Variants in CSMD1 observed in about 807,000 individuals in gnomAD.
CSMD1 encodes the protein CUB and Sushi multiple domains 1.
Under a neutral mutation model 417.5 loss-of-function variants are expected in CSMD1, and 213 were observed. The observed-to-expected ratio is 0.51, with a 90% confidence interval of 0.46 to 0.57. The LOEUF is 0.57. Among genes scored for constraint, CSMD1 ranks in the 20% least tolerant of loss-of-function variants. The pLI is 0.00. For synonymous variants in CSMD1, 2,862 were observed against 1,736.8 expected (o/e 1.65, Z -16.11); for missense variants, 6,923 against 4,529.7 (o/e 1.53, Z -15.17).
intron 50 of CSMD1, among the ~76,000 whole-genome samples, chr8:3,043,071 A>G (rs7459987): frequency 0.041 from 5,772 of 142,356 alleles, 626 homozygotes; most frequent in African/African-American, 0.16. Flanking sequence ...TAGTACTATA[A>G]TGCATATAGT....
In CSMD1 at chr8:2,999,250, G is replaced by T. The variant is rs1419393944; in HGVS notation, c.8203+708C>A. Among the ~76,000 whole-genome samples, 4 of 150,392 alleles carry T rather than the reference G, an allele frequency of 2.7e-5. No homozygotes were observed. In the East Asian group the frequency reaches 7.9e-4, roughly 30 times the overall value. On this transcript the variant is annotated intron_variant, in intron 53 of 69. Transcript: ENST00000635120. The stretch of plus-strand genomic sequence containing the variant: ...GCTCACTGCAACCTCCATCTCCAGG[G>T]TTCAAGCAATTCTCCTGCTTCAGCC...
At chr8:4,074,227 T>C (rs1799705930) in intron 3 of CSMD1, among the ~76,000 whole-genome samples, 1 of 152,032 alleles carries the variant, frequency 6.6e-6, no homozygotes, top group African/African-American at 2.4e-5. Context: ...ATACAGCTTT[T>C]TGTAACCCCA....
intron 26 of CSMD1, among the ~76,000 whole-genome samples, chr8:3,259,702 A>C (rs1009318625): frequency 6.6e-6 from 1 of 152,186 alleles, no homozygotes; most frequent in South Asian, 2.1e-4. Context: ...TGGTGAGTCT[A>C]ATGCAAATAC....
chr8:4,617,929 G>A (rs1563338867), intron 2 of CSMD1, among the ~76,000 whole-genome samples: 1 of 152,078 alleles, frequency 6.6e-6, no homozygotes, highest in East Asian at 1.9e-4. Flanking sequence ...AATAACACTT[G>A]TTAATTAACT....
intron 11 of CSMD1, among the ~76,000 whole-genome samples, chr8:3,481,141 C>G (rs536545802): frequency 2.6e-5 from 3 of 117,180 alleles, no homozygotes; most frequent in South Asian, 2.8e-4. Flanking sequence ...GGCAACAGAG[C>G]GAGACTCCAT....
At chr8:4,260,442 T>C (rs1348715751) in intron 3 of CSMD1, among the ~76,000 whole-genome samples, 1 of 152,206 alleles carries the variant, frequency 6.6e-6, no homozygotes, top group African/African-American at 2.4e-5. Flanking sequence ...TGTACTTTAC[T>C]GAGTGTGGGT....
rs750002417 is a variant in CSMD1, at chr8:3,616,787, T to C, written c.1020A>G (p.Gly340=). 3 of 1,610,002 alleles carry C rather than the reference T, an allele frequency of 1.9e-6. No homozygotes were observed. Among genetic ancestry groups the C allele is most frequent in the Non-Finnish European group, 2.5e-6 (3 of 1,177,450 alleles). ...ACATGTCAGAGACCAATGCAACACC[T>C]CCTTGGCTCACTGTAATAGACAGAA... ...GSHKNSVLSQ[G]GVALVSDMCP... is the part of the protein sequence containing the mutation. Residue 340 remains glycine, a synonymous_variant, in exon 8 of 70, where the codon GGA becomes GGG. Coordinates refer to ENST00000635120, the MANE Select transcript of CSMD1 (RefSeq NM_033225.6).
At chr8:3,103,082 G>C (rs894399235) in intron 46 of CSMD1, among the ~76,000 whole-genome samples, 8 of 152,158 alleles carry the variant, frequency 5.3e-5, no homozygotes, top group African/African-American at 9.6e-5. Flanking sequence ...CCAGAGGAAG[G>C]TCTTCAGCAC....
intron 2 of CSMD1, among the ~76,000 whole-genome samples, chr8:4,604,410 T>TGTGTGTGTGTGTGTGTGTGC (rs59349269): frequency 6.8e-6 from 1 of 146,150 alleles, no homozygotes; most frequent in African/African-American, 2.5e-5. Context: ...TGTGTGTGTG[T>TGTGTGTGTGTGTGTGTGTGC]GCGCGTGCGT....
chr8:4,576,916 A>C (rs1799164557), intron 2 of CSMD1, among the ~76,000 whole-genome samples: 1 of 152,298 alleles, frequency 6.6e-6, no homozygotes, highest in Non-Finnish European at 1.5e-5. Context: ...TAATAGAATG[A>C]TTATTTAGAT....
At chr8:4,071,856 G>A (rs1340286878) in intron 3 of CSMD1, among the ~76,000 whole-genome samples, 1 of 152,118 alleles carries the variant, frequency 6.6e-6, no homozygotes, top group African/African-American at 2.4e-5. Flanking sequence ...CCACTCTCAT[G>A]GAACTCCTCT....
At chr8:4,142,577 G>A (rs531923082) in intron 3 of CSMD1, among the ~76,000 whole-genome samples, 1 of 151,242 alleles carries the variant, frequency 6.6e-6, no homozygotes, top group Admixed American at 6.6e-5. Context: ...TTATATGGTA[G>A]AAAAACACGT....
chr8:4,463,551 A>G (rs1263398153), intron 2 of CSMD1, among the ~76,000 whole-genome samples: 3 of 152,192 alleles, frequency 2.0e-5, no homozygotes, highest in Admixed American at 2.0e-4. Flanking sequence ...TATATCCATC[A>G]TATTAAATAG....
At chr8:3,282,997 G>A (rs752186424) in intron 26 of CSMD1, among the ~76,000 whole-genome samples, 4 of 152,028 alleles carry the variant, frequency 2.6e-5, no homozygotes, top group Non-Finnish European at 4.4e-5. Context: ...GCACTAAAAG[G>A]CTGAACTGCC....
chr8:4,651,419 C>G (rs150682938), intron 1 of CSMD1, among the ~76,000 whole-genome samples: 56 of 152,228 alleles, frequency 3.7e-4, no homozygotes, highest in African/African-American at 1.3e-3. Context: ...CTTCAGCTGG[C>G]ATCATTTCTA....
At chr8:4,039,124 G>A (rs1225468302) in intron 3 of CSMD1, among the ~76,000 whole-genome samples, 1 of 152,114 alleles carries the variant, frequency 6.6e-6, no homozygotes, top group African/African-American at 2.4e-5. Context: ...ATTCATCAAA[G>A]CAACGGCAGC....
intron 1 of CSMD1, among the ~76,000 whole-genome samples, chr8:4,757,035 G>A (rs1268134076): frequency 6.6e-6 from 1 of 152,206 alleles, no homozygotes; most frequent in East Asian, 1.9e-4. Context: ...TATACAATAT[G>A]CAGGAATGCA....
At chr8:4,942,740 T>C (rs1213252670) in intron 1 of CSMD1, among the ~76,000 whole-genome samples, 1 of 152,308 alleles carries the variant, frequency 6.6e-6, no homozygotes, top group African/African-American at 2.4e-5. Context: ...CCGACCTTCA[T>C]CAACACAGAC....
At chr8:4,432,606 G>C (rs1319564494) in intron 2 of CSMD1, among the ~76,000 whole-genome samples, 2 of 152,128 alleles carry the variant, frequency 1.3e-5, no homozygotes, top group South Asian at 2.1e-4. Flanking sequence ...TTGCAGGTGA[G>C]GAAACGAAGC....
Sources: allele counts gnomAD v4.1 joint callset (sites outside exome capture counted in the v4.1 genomes callset), GRCh38; gene constraint gnomAD v4.1.1; transcripts MANE v1.5; gene names NCBI Gene and HGNC (gene_info 2026-07-23, HGNC 2026-07-21).